MYO18A: variants seen among roughly 807,000 people sequenced by gnomAD.
MYO18A encodes myosin XVIIIA, also known as unconventional myosin-XVIIIa.
MYO18A carries 78 observed loss-of-function variants against 235.8 expected under a neutral mutation model. That is an observed-to-expected ratio of 0.33 (90% CI 0.28 to 0.40). The LOEUF is 0.40. MYO18A is among the 10% of genes least tolerant of loss of function. MYO18A has a pLI of 1.00. For synonymous variants in MYO18A, 977 were observed against 1,077.8 expected, an observed-to-expected ratio of 0.91 and a Z score of 1.83; for missense variants, 2,215 against 2,699.3, an observed-to-expected ratio of 0.82 and a Z score of 3.98.
Position 29,119,235 on chromosome 17 carries a change from G to A in MYO18A, c.1829+100C>T, listed in dbSNP as rs2067141740. The A allele has an allele frequency of 7.2e-6, 6 of 831,402 alleles. No individual in the cohort carries two copies. In the East Asian group the frequency reaches 1.6e-4, roughly 22 times the overall value. 51.5% of individuals were successfully genotyped at this position (831,402 alleles called of 1,614,324 possible). A position where few individuals can be genotyped will look rare whatever the true frequency, so the allele number is the denominator to read the frequency against. ...ATGCACTGACCAAACAGTGCAGGATGCGATCAAGTGGCTTTAATTCTGGAT... is the reference window on the plus strand; with the variant it reads ...ATGCACTGACCAAACAGTGCAGGATACGATCAAGTGGCTTTAATTCTGGAT... On this transcript the variant is annotated intron_variant, in intron 8 of 41. Coordinates refer to ENST00000527372, the MANE Select transcript of MYO18A (RefSeq NM_078471.4).
chr17:29,092,824 C>T (rs762178135), intron 33 of MYO18A, 31 bp downstream of exon 33: 6 of 1,611,078 alleles, frequency 3.7e-6, no homozygotes, highest in African/African-American at 1.3e-5. Context: ...CTCTGTTGTG[C>T]CTGGATCAGC....
chr17:29,175,357 A>G (rs1004054732), intron 1 of MYO18A, among the ~76,000 whole-genome samples: 1 of 138,058 alleles, frequency 7.2e-6, no homozygotes, highest in South Asian at 2.3e-4. Context: ...TTCTACTTTT[A>G]TTTCATCTTT....
At chr17:29,151,580 C>T (rs942834441) in intron 2 of MYO18A, among the ~76,000 whole-genome samples, 2 of 152,160 alleles carry the variant, frequency 1.3e-5, no homozygotes, top group African/African-American at 4.8e-5. Flanking sequence ...CAGCTGGGAG[C>T]AGAAGCCAAG....
chr17:29,110,274 G>A (rs2066897179), intron 18 of MYO18A, among the ~76,000 whole-genome samples, 162 bp downstream of exon 18: 2 of 152,192 alleles, frequency 1.3e-5, no homozygotes, highest in Admixed American at 1.3e-4. Context: ...CCACTCACAG[G>A]TGGCAGCACT....
rs2067706727 is a variant in MYO18A at position 29,140,340 on chromosome 17, C to T, written c.1000-18087G>A. 1 of 1,271,302 alleles carries T rather than the reference C, an allele frequency of 7.9e-7. No individual in the cohort carries two copies. The highest frequency in any genetic ancestry group is 1.3e-5 in the South Asian group (1 of 78,822). 78.8% of individuals were successfully genotyped at this position (1,271,302 alleles called of 1,614,324 possible). A position where few individuals can be genotyped will look rare whatever the true frequency, so the allele number is the denominator to read the frequency against. On this transcript the variant is annotated intron_variant, in intron 2 of 41. Coordinates refer to ENST00000527372, the MANE Select transcript of MYO18A (RefSeq NM_078471.4). The surrounding 1 kb of genome is among the most constrained non-coding windows in gnomAD (Gnocchi z 4.2). ...GGTGGGGGGTCAGAGGGACACTCAC[C>T]CGCATGGCCTGGCCTGGAGCAGCCC...
chr17:29,094,769 A>T lies in MYO18A; in HGVS notation c.4591T>A (p.Ser1531Thr). The stretch of plus-strand genomic sequence containing the variant: ...TTGGCCAGAGAAGCCTCATCCTTGG[A>T]CTCTTGGGAAGAAATGTCCTGGAGC... The part of the protein sequence containing the change: ...AELQDISSQE[S>T]KDEASLAKVK... Residue 1531 changes from serine to threonine, a missense_variant, in exon 30 of 42, where the codon TCC becomes ACC. Ser to Thr is a moderately conservative substitution (Grantham distance 58). Coordinates refer to ENST00000527372, the MANE Select transcript of MYO18A (RefSeq NM_078471.4). The T allele has an allele frequency of 6.2e-7, 1 of 1,613,744 alleles. No homozygotes were observed. Among genetic ancestry groups the T allele is most frequent in the Non-Finnish European group, 8.5e-7 (1 of 1,179,840 alleles).
intron 1 of MYO18A, among the ~76,000 whole-genome samples, chr17:29,170,497 C>T (rs2068376693): frequency 6.6e-6 from 1 of 152,138 alleles, no homozygotes; most frequent in Non-Finnish European, 1.5e-5. Context: ...AGCTCTGATA[C>T]CACTACCTTC....
At position 29,120,069 on chromosome 17, in the gene MYO18A, G is replaced by C. The variant is rs2057678671; in HGVS notation, c.1728+547C>G. Among the ~76,000 whole-genome samples the C allele has an allele frequency of 6.6e-6, 1 of 152,108 alleles. No individual in the cohort carries two copies. The highest frequency in any genetic ancestry group is 2.4e-5 in the African/African-American group (1 of 41,398). ...TTAAGCAGGTGCATCTTATTCCCAA[G>C]GTGCTCAATCAGATACCAGATCCCT... On this transcript the variant is annotated intron_variant, in intron 7 of 41. Coordinates refer to ENST00000527372, the MANE Select transcript of MYO18A (RefSeq NM_078471.4). The surrounding 1 kb of genome is among the most constrained non-coding windows in gnomAD (Gnocchi z 4.2).
At chr17:29,079,816 C>T (rs989531551) in intron 41 of MYO18A, 2 of 986,088 alleles carry the variant, frequency 2.0e-6, no homozygotes, top group Non-Finnish European at 2.4e-6. Context: ...CCTCGACGGC[C>T]GGTGCGTCTG....
At chr17:29,130,820 C>T (rs2067454869) in intron 2 of MYO18A, among the ~76,000 whole-genome samples, 1 of 152,158 alleles carries the variant, frequency 6.6e-6, no homozygotes. Context: ...GGGTCTCTAT[C>T]CCAATGCGCT....
intron 2 of MYO18A, among the ~76,000 whole-genome samples, chr17:29,133,429 C>T (rs185295731): frequency 1.3e-5 from 2 of 152,352 alleles, no homozygotes; most frequent in East Asian, 3.9e-4. Context: ...CTGCAGCCCC[C>T]AGGATCAGGG....
intron 2 of MYO18A, among the ~76,000 whole-genome samples, chr17:29,142,996 C>T (rs1267956753): frequency 2.0e-5 from 3 of 152,158 alleles, no homozygotes; most frequent in East Asian, 1.9e-4. Context: ...TTAGTGGAGA[C>T]GGGGTTTCAC....
At chr17:29,084,497 A>G (rs4965976) in intron 40 of MYO18A, among the ~76,000 whole-genome samples, 63,804 of 151,976 alleles carry the variant, frequency 0.42, 14,683 homozygotes, top group East Asian at 0.84. Flanking sequence ...GCAGGCTCAG[A>G]GGGCAGTTGA....
At chr17:29,143,225 A>G (rs1321168387) in intron 2 of MYO18A, among the ~76,000 whole-genome samples, 1 of 152,200 alleles carries the variant, frequency 6.6e-6, no homozygotes, top group Non-Finnish European at 1.5e-5. Context: ...TGTCCAGCAC[A>G]TTCATTTTCA....
chr17:29,141,270 GT>G (rs2038359725), intron 2 of MYO18A, among the ~76,000 whole-genome samples: 2 of 152,186 alleles, frequency 1.3e-5, no homozygotes, highest in African/African-American at 4.8e-5. Context: ...TGGCTCTCCA[GT>G]TAGCACCATG....
rs1598320632 is a variant in MYO18A at position 29,111,090 on chromosome 17, C to T, written c.2900+334G>A. ...CTGCCAAGCACCTAGAAGCCCCTGT[C>T]GCAGGGTAGGTGCCCACTAACCATC... On this transcript the variant is annotated intron_variant, in intron 17 of 41. Coordinates refer to ENST00000527372, the MANE Select transcript of MYO18A (RefSeq NM_078471.4). This position sits in a 1 kb window ranked among gnomAD's most constrained non-coding sequence, Gnocchi z 5.1. 6.6e-6 allele frequency among the ~76,000 whole-genome samples: 1 copy of T among 152,314 alleles called. No individual in the cohort carries two copies. Among genetic ancestry groups the T allele is most frequent in the African/African-American group, 2.4e-5 (1 of 41,576 alleles).
At position 29,093,936 on chromosome 17, in the gene MYO18A, G is replaced by T. The variant is rs779987577; in HGVS notation, c.4821+44C>A. ...GCCCCTTACTTTAAAGCGGTGATGGGAACAGGTGTTTACGCTGGACAGGTA... is the reference window on the plus strand; with the variant it reads ...GCCCCTTACTTTAAAGCGGTGATGGTAACAGGTGTTTACGCTGGACAGGTA... On this transcript the variant is annotated intron_variant, in intron 31 of 41. Coordinates refer to ENST00000527372, the MANE Select transcript of MYO18A (RefSeq NM_078471.4). 3.6e-6 allele frequency: 5 copies of T among 1,405,060 alleles called. No homozygotes were observed. In the African/African-American group the frequency reaches 7.1e-5, roughly 20 times the overall value. The allele number at this position is 1,405,060 out of a possible 1,614,324, so 87.0% of individuals were successfully genotyped here. A position where few individuals can be genotyped will look rare whatever the true frequency, so the allele number is the denominator to read the frequency against.
At position 29,114,038 on chromosome 17, in the gene MYO18A, A is replaced by G; in HGVS notation, c.2571T>C (p.Ala857=). 2 of 1,601,886 alleles carry G rather than the reference A, an allele frequency of 1.2e-6. No homozygotes were observed. Among genetic ancestry groups the G allele is most frequent in the East Asian group, 2.3e-5 (1 of 44,132 alleles). The change falls in exon 15 of 42, where the codon GCT becomes GCC. Residue 857 remains alanine, a synonymous_variant. Transcript: ENST00000527372. ...LEPPTDDSVA[A]VDQASHQSLV... is the part of the protein sequence containing the mutation. Reference sequence around the variant, plus strand: ...GGGACTGATGGGAGGCCTGGTCCACAGCAGCCACAGAGTCATCCGTCGGGG... The same window carrying G: ...GGGACTGATGGGAGGCCTGGTCCACGGCAGCCACAGAGTCATCCGTCGGGG...
At chr17:29,081,085 G>GAGAGA in intron 41 of MYO18A, 3 of 762,906 alleles carry the variant, frequency 3.9e-6, no homozygotes, top group Non-Finnish European at 4.8e-6. Flanking sequence ...GAGAGAGAGA[G>GAGAGA]GAACAAGTAT....
Sources: gnomAD v4.1 joint callset for allele counts (sites outside exome capture counted in the v4.1 genomes callset) on GRCh38, gnomAD v4.1.1 for gene constraint, Gnocchi (gnomAD v3.1) non-coding constraint, MANE v1.5 for transcripts, NCBI Gene and HGNC (gene_info 2026-07-23, HGNC 2026-07-21) for gene names.